Variants in RPL28 observed in about 807,000 individuals in gnomAD.
RPL28 encodes the protein large ribosomal subunit protein eL28.
RPL28 carries 4 observed loss-of-function variants against 12.5 expected under a neutral mutation model. That is an observed-to-expected ratio of 0.32 (90% CI 0.16 to 0.73). The LOEUF (loss-of-function observed/expected upper bound fraction) is 0.73, where lower values mean the gene tolerates loss of function less well. Ranked by LOEUF, RPL28 falls within the 30% of genes least tolerant of loss-of-function variation. The probability of loss-of-function intolerance (pLI) is 0.66; values close to 1 mark genes in which losing one functional copy is unlikely to be tolerated. For synonymous variants in RPL28, 91 were observed against 72.5 expected (o/e 1.26, Z -1.30); for missense variants, 214 against 197.7 (o/e 1.08, Z -0.49).
intron 4 of RPL28, among the ~76,000 whole-genome samples, chr19:55,398,657 A>T (rs951041556): frequency 6.6e-6 from 1 of 151,778 alleles, no homozygotes; most frequent in Non-Finnish European, 1.5e-5. Context: ...TTTTTTTCTT[A>T]TTCGTTTGTA....
downstream of RPL28, among the ~76,000 whole-genome samples, chr19:55,395,312 T>G (rs2090014322): frequency 6.6e-6 from 1 of 151,540 alleles, no homozygotes; most frequent in Non-Finnish European, 1.5e-5. Flanking sequence ...AATTTTGTAT[T>G]TTAAGTAGAA....
In RPL28 at chr19:55,386,341, TC is replaced by T. The variant is rs1173436965; in HGVS notation, c.-8-5del. Reference sequence around the variant, plus strand: ...GTCTGACGCTTTCCCTGTGCCCGTTTCCCCGCAGCCGCCGCCATGTCTGCGC... The same window carrying T: ...GTCTGACGCTTTCCCTGTGCCCGTTTCCCGCAGCCGCCGCCATGTCTGCGC... On this transcript the variant is annotated splice_region_variant and splice_polypyrimidine_tract_variant and intron_variant, in intron 1 of 4. Coordinates refer to ENST00000344063, the MANE Select transcript of RPL28 (RefSeq NM_000991.5). The T allele has an allele frequency of 6.2e-7, 1 of 1,612,956 alleles. No homozygotes were observed. Among genetic ancestry groups the T allele is most frequent in the Admixed American group, 1.7e-5 (1 of 59,936 alleles).
chr19:55,386,066 G>T (rs1026964870), intron 1 of RPL28, 101 bp downstream of exon 1: 1 of 411,160 alleles, frequency 2.4e-6, no homozygotes, highest in Admixed American at 3.5e-5. Context: ...AAGGGTCATT[G>T]GCGGACCCCA....
At chr19:55,386,219 T>C in intron 1 of RPL28, 131 bp from the exon 2 acceptor site, 1 of 795,012 alleles carries the variant, frequency 1.3e-6, no homozygotes, top group Non-Finnish European at 2.0e-6. Flanking sequence ...GGTCGCTGTC[T>C]GCCCTCAGGG....
chr19:55,401,438 A>G, intron 4 of RPL28: 1 of 1,599,780 alleles, frequency 6.3e-7, no homozygotes, highest in Non-Finnish European at 8.5e-7. Context: ...AGAGCCCACT[A>G]CAGCCGCCGC....
At chr19:55,387,870 G>A in intron 3 of RPL28, 60 bp from the exon 4 acceptor site, 2 of 1,507,552 alleles carry the variant, frequency 1.3e-6, no homozygotes, top group Non-Finnish European at 1.8e-6. Flanking sequence ...ACACCTGCGA[G>A]GTGTGCTAAA....
intron 4 of RPL28, among the ~76,000 whole-genome samples, chr19:55,399,466 C>T (rs982684492): frequency 1.3e-5 from 2 of 152,188 alleles, no homozygotes; most frequent in South Asian, 2.1e-4. Flanking sequence ...CCCACCCAAC[C>T]TTGTTTAGTG....
intron 4 of RPL28, 67 bp from the exon 5 acceptor site, chr19:55,388,176 A>G (rs1569041158): frequency 6.5e-7 from 1 of 1,533,206 alleles, no homozygotes. Flanking sequence ...CCCCACACCC[A>G]GCATTGGCCT....
At chr19:55,402,926 AC>A in intron 4 of RPL28, 1 of 1,513,156 alleles carries the variant, frequency 6.6e-7, no homozygotes, top group Admixed American at 2.1e-5. Context: ...AATTTGGTTA[AC>A]TTTTTTTTTT....
downstream of RPL28, among the ~76,000 whole-genome samples, chr19:55,393,032 C>T (rs2090000974): frequency 6.6e-6 from 1 of 152,044 alleles, no homozygotes; most frequent in South Asian, 2.1e-4. Context: ...GGCTCCCCAG[C>T]ACCCCTCTCC....
intron 4 of RPL28, among the ~76,000 whole-genome samples, chr19:55,397,285 C>G (rs1404624466): frequency 6.6e-6 from 1 of 152,182 alleles, no homozygotes; most frequent in Non-Finnish European, 1.5e-5. Context: ...GCTGTAGTAT[C>G]TTTTGTGACT....
In RPL28 at chr19:55,389,738, C is replaced by G; in HGVS notation, c.*1406C>G. On this transcript the variant is annotated 3_prime_UTR_variant, in exon 5 of 5. Transcript: ENST00000344063. ...GTGAATTACCATTTCCTTTGTCCTTCCCTTAGTTGGGTCTATTAGCTCAGA... is the reference window on the plus strand; with the variant it reads ...GTGAATTACCATTTCCTTTGTCCTTGCCTTAGTTGGGTCTATTAGCTCAGA... 1 of 985,652 alleles carries G rather than the reference C, an allele frequency of 1.0e-6. No homozygotes were observed. Among genetic ancestry groups the G allele is most frequent in the Non-Finnish European group, 1.2e-6 (1 of 830,086 alleles). The allele number at this position is 985,652 out of a possible 1,614,324, so 61.1% of individuals were successfully genotyped here. A position where few individuals can be genotyped will look rare whatever the true frequency, so the allele number is the denominator to read the frequency against.
At chr19:55,394,078 C>G (rs956601238), downstream of RPL28, among the ~76,000 whole-genome samples, 15 of 151,980 alleles carry the variant, frequency 9.9e-5, no homozygotes, top group Non-Finnish European at 1.8e-4. Flanking sequence ...CAGGCTAACA[C>G]AGTGAAACCC....
At chr19:55,395,645 G>A (rs182458978), downstream of RPL28, among the ~76,000 whole-genome samples, 283 of 150,062 alleles carry the variant, frequency 1.9e-3, 1 homozygote, top group African/African-American at 6.0e-3. Context: ...GGGTTTCACT[G>A]TGTTAGCCAG....
downstream of RPL28, among the ~76,000 whole-genome samples, chr19:55,393,258 C>G (rs1350834287): frequency 8.3e-6 from 1 of 120,898 alleles, no homozygotes; most frequent in South Asian, 2.9e-4. Flanking sequence ...CCCCCCCCCC[C>G]CGACCCCCAT....
chr19:55,389,348 GAC>G lies in RPL28; in HGVS notation c.*1022_*1023del. The G allele has an allele frequency of 4.5e-6, 4 of 887,048 alleles. No individual in the cohort carries two copies. Among genetic ancestry groups the G allele is most frequent in the Non-Finnish European group, 5.1e-6 (4 of 778,444 alleles). 54.9% of individuals were successfully genotyped at this position (887,048 alleles called of 1,614,324 possible). On this transcript the variant is annotated 3_prime_UTR_variant, in exon 5 of 5. Transcript: ENST00000344063. ...TACACTCCAGCCTGGAAGACACCATGACACACAGTGAGGCCTGGATGGGGAAA... is the reference window on the plus strand; with the variant it reads ...TACACTCCAGCCTGGAAGACACCATGACACAGTGAGGCCTGGATGGGGAAA...
In RPL28 at chr19:55,391,743, T is replaced by C. The variant is rs2089991953; in HGVS notation, c.*3411T>C. 1 of 1,503,852 alleles carries C rather than the reference T, an allele frequency of 6.6e-7. No individual in the cohort carries two copies. The allele number at this position is 1,503,852 out of a possible 1,614,324, so 93.2% of individuals were successfully genotyped here. On this transcript the variant is annotated 3_prime_UTR_variant, in exon 5 of 5. Coordinates refer to ENST00000344063, the MANE Select transcript of RPL28 (RefSeq NM_000991.5). ...TGACTGTGCCCACAAATCCTGATTGTAGGAATAAATTAATGACTTTTTATA... is the reference window on the plus strand; with the variant it reads ...TGACTGTGCCCACAAATCCTGATTGCAGGAATAAATTAATGACTTTTTATA...
chr19:55,388,174 C>T (rs1316213368), intron 4 of RPL28, 69 bp from the exon 5 acceptor site: 1 of 1,532,600 alleles, frequency 6.5e-7, no homozygotes, highest in East Asian at 2.3e-5. Context: ...CTCCCCACAC[C>T]CAGCATTGGC....
chr19:55,390,148 T>C lies in RPL28; in HGVS notation c.*1816T>C. 1.0e-6 allele frequency: 1 copy of C among 985,452 alleles called. No homozygotes were observed. Among genetic ancestry groups the C allele is most frequent in the African/African-American group, 1.7e-5 (1 of 57,338 alleles). 61.0% of individuals were successfully genotyped at this position (985,452 alleles called of 1,614,324 possible). ...TCTAGCACACCAGCATATAATGAGA[T>C]GCTTGATGAATGGTGCATATTGAAT... On this transcript the variant is annotated 3_prime_UTR_variant, in exon 5 of 5. Transcript: ENST00000344063.
Sources: gnomAD v4.1 joint callset for allele counts (sites outside exome capture counted in the v4.1 genomes callset) on GRCh38, gnomAD v4.1.1 for gene constraint, MANE v1.5 for transcripts, NCBI Gene and HGNC (gene_info 2026-07-23, HGNC 2026-07-21) for gene names.